Variants in PRDM16 observed in about 807,000 individuals in gnomAD.
PRDM16 encodes PR/SET domain 16, also known as histone-lysine N-methyltransferase PRDM16.
Under a neutral mutation model 110.6 loss-of-function variants are expected in PRDM16, and 23 were observed. That is an observed-to-expected ratio of 0.21 (90% CI 0.15 to 0.29). The LOEUF is 0.29. PRDM16 is among the 10% of genes least tolerant of loss of function. PRDM16 has a pLI of 1.00. For missense variants in PRDM16, 1,615 were observed against 1,794.3 expected, an observed-to-expected ratio of 0.90 and a Z score of 1.81; for synonymous variants, 799 against 781.8, an observed-to-expected ratio of 1.02 and a Z score of -0.37.
At chr1:3,427,416 G>T (rs993674921) in intron 14 of PRDM16, among the ~76,000 whole-genome samples, 1 of 152,258 alleles carries the variant, frequency 6.6e-6, no homozygotes, top group South Asian at 2.1e-4. Context: ...AGCTTTTACC[G>T]CACTGGCCAT....
At chr1:3,378,465 C>A (rs1375324750) in intron 3 of PRDM16, among the ~76,000 whole-genome samples, 1 of 152,254 alleles carries the variant, frequency 6.6e-6, no homozygotes, top group East Asian at 1.9e-4. Context: ...GTCCTTGAGT[C>A]GGCCCTGGAG....
At chr1:3,430,619 G>C (rs1638738022) in intron 14 of PRDM16, among the ~76,000 whole-genome samples, 1 of 152,196 alleles carries the variant, frequency 6.6e-6, no homozygotes, top group Admixed American at 6.5e-5. Context: ...ATAGCAGCTT[G>C]CTGCTGGGCC....
At chr1:3,198,534 C>T (rs1638538086) in intron 2 of PRDM16, among the ~76,000 whole-genome samples, 1 of 152,218 alleles carries the variant, frequency 6.6e-6, no homozygotes, top group Non-Finnish European at 1.5e-5. Flanking sequence ...GGCACTGGGC[C>T]GTGGCCTTCT....
chr1:3,180,636 G>A (rs542942410), intron 1 of PRDM16, among the ~76,000 whole-genome samples: 7 of 152,198 alleles, frequency 4.6e-5, no homozygotes, highest in Admixed American at 6.5e-5. Context: ...CGGGGCAGCC[G>A]AGCGCCATTC....
intron 6 of PRDM16, among the ~76,000 whole-genome samples, chr1:3,404,462 G>C (rs936624157): frequency 1.3e-5 from 2 of 152,230 alleles, no homozygotes; most frequent in Non-Finnish European, 2.9e-5. Flanking sequence ...GCCGGGGTCC[G>C]GCACTGCCTC....
chr1:3,415,007 C>T (rs917186580), intron 10 of PRDM16, among the ~76,000 whole-genome samples: 5 of 152,186 alleles, frequency 3.3e-5, no homozygotes, highest in African/African-American at 4.8e-5. Flanking sequence ...CAGGACACAG[C>T]GTGGGCGCTC....
At chr1:3,296,511 G>T (rs570047198) in intron 3 of PRDM16, among the ~76,000 whole-genome samples, 1 of 152,242 alleles carries the variant, frequency 6.6e-6, no homozygotes, top group Non-Finnish European at 1.5e-5. Flanking sequence ...CTAACCCGGG[G>T]CCTCGTGTTG....
In PRDM16 at chr1:3,172,759, G is replaced by C. The variant is rs117775524; in HGVS notation, c.38-13366G>C. ...TAGAGTTATCACATGCATAGAGACG[G>C]AAAGTAGAATGGTGGCTGCCGGGGC... On this transcript the variant is annotated intron_variant, in intron 1 of 16. Coordinates refer to ENST00000270722, the MANE Select transcript of PRDM16 (RefSeq NM_022114.4). 1.5e-4 allele frequency among the ~76,000 whole-genome samples: 23 copies of C among 152,312 alleles called. No individual in the cohort carries two copies. In the East Asian group the frequency reaches 2.9e-3, roughly 19 times the overall value.
intron 3 of PRDM16, among the ~76,000 whole-genome samples, chr1:3,375,350 G>A (rs532849003): frequency 7.9e-5 from 12 of 152,342 alleles, no homozygotes; most frequent in East Asian, 3.9e-4. Context: ...ACCTCTAGGC[G>A]TTCTGTGTTT....
intron 3 of PRDM16, among the ~76,000 whole-genome samples, chr1:3,342,840 A>G (rs1642298098): frequency 6.6e-6 from 1 of 152,164 alleles, no homozygotes; most frequent in Non-Finnish European, 1.5e-5. Context: ...TTTATTCTGT[A>G]TGGCAGTAGC....
rs368896496 is a variant in PRDM16, at chr1:3,196,643, C to T, written c.387+10169C>T. Among the ~76,000 whole-genome samples, 3 of 152,338 alleles carry T rather than the reference C, an allele frequency of 2.0e-5. 1 individual carries two copies. The highest frequency in any genetic ancestry group is 7.2e-5 in the African/African-American group (3 of 41,578). ...CCAGATGGTCAGCCTGTGAGACCCC[C>T]ACCCAATTCCAGGCCACATTCTCTA... On this transcript the variant is annotated intron_variant, in intron 2 of 16. Coordinates refer to ENST00000270722, the MANE Select transcript of PRDM16 (RefSeq NM_022114.4).
chr1:3,177,581 C>T (rs867586837), intron 1 of PRDM16, among the ~76,000 whole-genome samples: 3 of 152,250 alleles, frequency 2.0e-5, no homozygotes, highest in Non-Finnish European at 2.9e-5. Flanking sequence ...CGGCTGCATG[C>T]TCCGCGGCCC....
intron 2 of PRDM16, among the ~76,000 whole-genome samples, chr1:3,240,827 T>C (rs1261181950): frequency 6.6e-6 from 1 of 152,268 alleles, no homozygotes; most frequent in Non-Finnish European, 1.5e-5. Context: ...AAAGAGGTTC[T>C]GACCAACCCC....
intron 12 of PRDM16, among the ~76,000 whole-genome samples, chr1:3,420,378 C>T (rs927740605): frequency 6.6e-6 from 1 of 152,250 alleles, no homozygotes; most frequent in Non-Finnish European, 1.5e-5. Context: ...CCCCCATGCC[C>T]GCCCCAGTGT....
intron 8 of PRDM16, among the ~76,000 whole-genome samples, chr1:3,410,545 G>A (rs888980280): frequency 6.6e-6 from 1 of 152,176 alleles, no homozygotes; most frequent in African/African-American, 2.4e-5. Flanking sequence ...CCCAAAGTCC[G>A]GGATCCCCGA....
chr1:3,139,957 A>G (rs1157316339), intron 1 of PRDM16, among the ~76,000 whole-genome samples: 4 of 152,162 alleles, frequency 2.6e-5, no homozygotes, highest in Admixed American at 1.3e-4. Flanking sequence ...CCCACTCTTA[A>G]TCATGCCTGC....
At chr1:3,176,475 C>T (rs908949013) in intron 1 of PRDM16, among the ~76,000 whole-genome samples, 1 of 151,842 alleles carries the variant, frequency 6.6e-6, no homozygotes, top group Non-Finnish European at 1.5e-5. Context: ...CTGGCAGACA[C>T]CAGGCTGCAT....
At chr1:3,411,333 G>T in intron 8 of PRDM16, 51 bp from the exon 9 acceptor site, 1 of 1,557,182 alleles carries the variant, frequency 6.4e-7, no homozygotes, top group South Asian at 1.2e-5. Flanking sequence ...TTTCAGCAGG[G>T]TTTCCCGGTC....
At position 3,182,440 on chromosome 1, in the gene PRDM16, C is replaced by T. The variant is rs376479766; in HGVS notation, c.38-3685C>T. Among the ~76,000 whole-genome samples the T allele has an allele frequency of 6.6e-5, 10 of 152,324 alleles. No homozygotes were observed. In the East Asian group the frequency reaches 9.7e-4, roughly 15 times the overall value. ...GGTCCTGATCTGTGGCCTCTTCTCT[C>T]GCTCTCTCCAGACCCCAAGACCCTG... On this transcript the variant is annotated intron_variant, in intron 1 of 16. Coordinates refer to ENST00000270722, the MANE Select transcript of PRDM16 (RefSeq NM_022114.4).
Sources: allele counts gnomAD v4.1 joint callset (sites outside exome capture counted in the v4.1 genomes callset), GRCh38; gene constraint gnomAD v4.1.1; transcripts MANE v1.5; gene names NCBI Gene and HGNC (gene_info 2026-07-23, HGNC 2026-07-21).